SMARCA5: variants seen among roughly 807,000 people sequenced by gnomAD.
The protein encoded by SMARCA5 is SWI/SNF-related matrix-associated actin-dependent regulator of chromatin subfamily A member 5.
Under a neutral mutation model 140.4 loss-of-function variants are expected in SMARCA5, and 18 were observed. The ratio of observed to expected loss-of-function variants is 0.13; its 90% CI spans 0.09 to 0.19. The LOEUF (loss-of-function observed/expected upper bound fraction) is 0.19, where lower values mean the gene tolerates loss of function less well. Among genes scored for constraint, SMARCA5 ranks in the 10% least tolerant of loss-of-function variants. The pLI is 1.00. For synonymous variants in SMARCA5, 449 were observed against 419.6 expected, an observed-to-expected ratio of 1.07 and a Z score of -0.86; for missense variants, 606 against 1,276.8, an observed-to-expected ratio of 0.47 and a Z score of 8.01.
rs1224696087 is a variant in SMARCA5, at chr4:143,557,183, T to TACAAGCATACAA, written c.*3999_*4000insACAAGCATACAA. ...TTAACTCTACAGCATACAAGGTGTG[T>TACAAGCATACAA]GGCTCTTATCTCTAGGACACCAATA... On this transcript the variant is annotated 3_prime_UTR_variant, in exon 24 of 24. Coordinates refer to ENST00000283131, the MANE Select transcript of SMARCA5 (RefSeq NM_003601.4). 2 of 152,242 alleles carry TACAAGCATACAA rather than the reference T, an allele frequency of 1.3e-5. No individual in the cohort carries two copies. The highest frequency in any genetic ancestry group is 2.9e-5 in the Non-Finnish European group (2 of 68,048). The allele number at this position is 152,242 out of a possible 1,614,324, so 9.4% of individuals were successfully genotyped here. A position where few individuals can be genotyped will look rare whatever the true frequency, so the allele number is the denominator to read the frequency against.
chr4:143,541,184 C>T (rs946986812), intron 14 of SMARCA5, among the ~76,000 whole-genome samples: 2 of 152,138 alleles, frequency 1.3e-5, no homozygotes, highest in African/African-American at 4.8e-5. Context: ...TTTATGTTTT[C>T]ATGAAGCCTA....
Position 143,545,461 on chromosome 4 carries a change from T to G in SMARCA5, c.2284-9T>G. On this transcript the variant is annotated splice_polypyrimidine_tract_variant and intron_variant, in intron 17 of 23. Coordinates refer to ENST00000283131, the MANE Select transcript of SMARCA5 (RefSeq NM_003601.4). ...TTTATGGATAACACTTATTTTTGTT[T>G]TTCTTTAGGCTCCTCGACCTCCAAA... 1 of 1,584,216 alleles carries G rather than the reference T, an allele frequency of 6.3e-7. No individual in the cohort carries two copies. Among genetic ancestry groups the G allele is most frequent in the Non-Finnish European group, 8.7e-7 (1 of 1,154,648 alleles).
chr4:143,547,981 CAA>C lies in SMARCA5; in HGVS notation c.2828_2829del (p.Lys943ArgfsTer6). The C allele has an allele frequency of 6.2e-7, 1 of 1,611,606 alleles. No homozygotes were observed. The highest frequency in any genetic ancestry group is 8.5e-7 in the Non-Finnish European group (1 of 1,178,384). ...HQLRISYGTN[K>X]GKNYTEEEDR... ...AGCTGAGAATATCATATGGTACTAA[CAA>C]AGGAAAAAACTATACTGAAGAAGAA... On this transcript the variant is annotated frameshift_variant, in exon 22 of 24. Transcript: ENST00000283131. LOFTEE classifies it high-confidence loss of function.
At chr4:143,515,822 A>G (rs550047037) in intron 1 of SMARCA5, among the ~76,000 whole-genome samples, 21 of 152,166 alleles carry the variant, frequency 1.4e-4, no homozygotes, top group South Asian at 4.1e-4. Context: ...TTTCCCACCC[A>G]TCTTGCTCTG....
intron 23 of SMARCA5, among the ~76,000 whole-genome samples, chr4:143,551,812 A>G (rs891737970): frequency 2.0e-5 from 3 of 152,026 alleles, no homozygotes; most frequent in African/African-American, 4.8e-5. Context: ...TTTGGTTACT[A>G]TAGCTCGGTA....
In SMARCA5 at chr4:143,545,707, A is replaced by G. The variant is rs1046930924; in HGVS notation, c.2397+124A>G. 5 of 775,420 alleles carry G rather than the reference A, an allele frequency of 6.4e-6. No individual in the cohort carries two copies. In the African/African-American group the frequency reaches 7.0e-5, roughly 11 times the overall value. The allele number at this position is 775,420 out of a possible 1,614,324, so 48.0% of individuals were successfully genotyped here. A position where few individuals can be genotyped will look rare whatever the true frequency, so the allele number is the denominator to read the frequency against. On this transcript the variant is annotated intron_variant, in intron 18 of 23. Coordinates refer to ENST00000283131, the MANE Select transcript of SMARCA5 (RefSeq NM_003601.4). ...AAACAATACTGCTTTAGCCTAGTCT[A>G]GTTGTATGTATGAAATACATAAACT... is the stretch of plus-strand genomic sequence containing the variant.
At chr4:143,523,458 A>G (rs895304368) in intron 3 of SMARCA5, among the ~76,000 whole-genome samples, 8 of 152,224 alleles carry the variant, frequency 5.3e-5, no homozygotes, top group African/African-American at 1.7e-4. Context: ...TATTTTATAA[A>G]AAGAATTTAA....
At chr4:143,547,212 T>A (rs1333505672) in intron 20 of SMARCA5, among the ~76,000 whole-genome samples, 173 bp from the exon 21 acceptor site, 1 of 152,172 alleles carries the variant, frequency 6.6e-6, no homozygotes, top group Admixed American at 6.5e-5. Context: ...TGTGTTGTGT[T>A]TCCTGAAGTC....
rs1560825583 is a variant in SMARCA5, at chr4:143,556,715, C to T, written c.*3531C>T. On this transcript the variant is annotated 3_prime_UTR_variant, in exon 24 of 24. Transcript: ENST00000283131. ...AAAGGTGAGGGCATCCCTCAGATGA[C>T]AGATAATGGGCAAAATACATTCTTG... is the stretch of plus-strand genomic sequence containing the variant. 6.6e-6 allele frequency: 1 copy of T among 152,116 alleles called. No individual in the cohort carries two copies. The highest frequency in any genetic ancestry group is 2.4e-5 in the African/African-American group (1 of 41,414). 9.4% of individuals were successfully genotyped at this position (152,116 alleles called of 1,614,324 possible). A position where few individuals can be genotyped will look rare whatever the true frequency, so the allele number is the denominator to read the frequency against.
rs139966158 is a variant in SMARCA5 at position 143,524,466 on chromosome 4, G to A, written c.519G>A (p.Ser173=). ...NVCTRFEDSP[S]YVKWGKLRDY... is the part of the protein sequence containing the mutation. ...GCACTCGATTTGAAGACTCTCCATC[G>A]TGTATGTTAAACACACTTGATTTTT... The change falls in exon 4 of 24, where the codon TCG becomes TCA. Residue 173 remains serine, a splice_region_variant and synonymous_variant. Transcript: ENST00000283131. The A allele has an allele frequency of 3.4e-5, 55 of 1,599,366 alleles. No homozygotes were observed. The African/African-American group carries it at 4.8e-4, about 14-fold the overall frequency.
chr4:143,523,511 A>G (rs1358091025), intron 3 of SMARCA5, among the ~76,000 whole-genome samples: 1 of 152,216 alleles, frequency 6.6e-6, no homozygotes, highest in Non-Finnish European at 1.5e-5. Context: ...GGATGGAAGT[A>G]GATCTTTGTA....
chr4:143,548,159 T>G lies in SMARCA5; in HGVS notation c.2985+19T>G. 6.8e-7 allele frequency: 1 copy of G among 1,480,726 alleles called. No homozygotes were observed. The highest frequency in any genetic ancestry group is 9.4e-7 in the Non-Finnish European group (1 of 1,068,106). 91.7% of individuals were successfully genotyped at this position (1,480,726 alleles called of 1,614,324 possible). On this transcript the variant is annotated intron_variant, in intron 22 of 23. Coordinates refer to ENST00000283131, the MANE Select transcript of SMARCA5 (RefSeq NM_003601.4). ...TGCAATGGTGAGTGCTCAGGGCTTT[T>G]TTGTGTAATGTAGCAGAGTTCAGAG...
intron 1 of SMARCA5, chr4:143,514,360 C>T (rs759034105): frequency 8.7e-6 from 4 of 459,868 alleles, no homozygotes; most frequent in Non-Finnish European, 1.5e-5. Flanking sequence ...TTTGAACGCT[C>T]TCAGTGAACA....
At chr4:143,544,947 CTTTT>C (rs11289994) in intron 17 of SMARCA5, 100 bp downstream of exon 17, 3,619 of 356,204 alleles carry the variant, frequency 0.01, no homozygotes, top group Middle Eastern at 0.017. Context: ...TTTTGTGTTT[CTTTT>C]TTTTTTTTTT....
At chr4:143,535,329 G>C (rs915665582) in intron 10 of SMARCA5, among the ~76,000 whole-genome samples, 1 of 152,128 alleles carries the variant, frequency 6.6e-6, no homozygotes, top group Non-Finnish European at 1.5e-5. Context: ...GTGTAAAGTA[G>C]CTGCAGAAAA....
intron 22 of SMARCA5, 48 bp downstream of exon 22, chr4:143,548,188 G>A (rs1161219706): frequency 9.0e-7 from 1 of 1,113,522 alleles, no homozygotes; most frequent in Non-Finnish European, 1.3e-6. Context: ...TTCAGAGTAA[G>A]TGTCATCTTT....
rs1737108997 is a variant in SMARCA5, at chr4:143,528,032, A to G, written c.957+9A>G. On this transcript the variant is annotated intron_variant, in intron 7 of 23. Coordinates refer to ENST00000283131, the MANE Select transcript of SMARCA5 (RefSeq NM_003601.4). ...AAAATGAAAAATCTAAGGTAATTTG[A>G]TACTTAGATGTGAAAAGCCTTCATG... is the stretch of plus-strand genomic sequence containing the variant. 1.3e-6 allele frequency: 2 copies of G among 1,548,676 alleles called. No individual in the cohort carries two copies. Among genetic ancestry groups the G allele is most frequent in the African/African-American group, 1.4e-5 (1 of 71,276 alleles).
chr4:143,520,895 A>G (rs1185381790), intron 2 of SMARCA5, among the ~76,000 whole-genome samples: 2 of 152,218 alleles, frequency 1.3e-5, no homozygotes, highest in African/African-American at 4.8e-5. Context: ...AATAGTATCA[A>G]TCCCAATACC....
In SMARCA5 at chr4:143,538,581, C is replaced by G; in HGVS notation, c.1496-9C>G. ...GCCACTGATAATAGATTGTTATATTCCCCAACAGGTTCACGAGTACTAATC... is the reference window on the plus strand; with the variant it reads ...GCCACTGATAATAGATTGTTATATTGCCCAACAGGTTCACGAGTACTAATC... On this transcript the variant is annotated splice_polypyrimidine_tract_variant and intron_variant, in intron 11 of 23. Transcript: ENST00000283131. 1.2e-6 allele frequency: 2 copies of G among 1,610,938 alleles called. No homozygotes were observed. Among genetic ancestry groups the G allele is most frequent in the East Asian group, 2.2e-5 (1 of 44,846 alleles).
Sources: allele counts gnomAD v4.1 joint callset (sites outside exome capture counted in the v4.1 genomes callset), GRCh38; gene constraint gnomAD v4.1.1; transcripts MANE v1.5; gene names NCBI Gene and HGNC (gene_info 2026-07-23, HGNC 2026-07-21).